NELL1: variants seen among roughly 807,000 people sequenced by gnomAD.
The protein encoded by NELL1 is neural EGFL like 1, also known as protein kinase C-binding protein NELL1.
A neutral mutation model predicts 107.4 loss-of-function variants in NELL1; 76 were observed. The observed-to-expected ratio is 0.71, with a 90% CI of 0.59 to 0.86. NELL1 has a LOEUF of 0.86. NELL1 is among the 40% of genes least tolerant of loss of function. The pLI is 0.00. For missense variants in NELL1, 1,024 were observed against 1,005.5 expected, an observed-to-expected ratio of 1.02 and a Z score of -0.25; for synonymous variants, 353 against 341.2, an observed-to-expected ratio of 1.03 and a Z score of -0.38.
intron 6 of NELL1, among the ~76,000 whole-genome samples, chr11:20,918,593 T>G (rs1236281199): frequency 6.6e-6 from 1 of 151,974 alleles, no homozygotes; most frequent in East Asian, 1.9e-4. Context: ...ACATCTTACA[T>G]GGTGGCAGCC....
intron 3 of NELL1, among the ~76,000 whole-genome samples, chr11:20,797,682 A>T (rs1333891801): frequency 6.6e-6 from 1 of 151,782 alleles, no homozygotes; most frequent in East Asian, 1.9e-4. Flanking sequence ...AATTGAGGGA[A>T]GTTAATTCTG....
intron 12 of NELL1, among the ~76,000 whole-genome samples, chr11:21,024,527 A>G (rs1852772077): frequency 6.6e-6 from 1 of 152,134 alleles, no homozygotes; most frequent in Non-Finnish European, 1.5e-5. Context: ...CGGGAGTAAT[A>G]TCTATCTTAA....
At chr11:21,328,821 T>A (rs767684534) in intron 14 of NELL1, among the ~76,000 whole-genome samples, 11 of 152,160 alleles carry the variant, frequency 7.2e-5, no homozygotes, top group Admixed American at 5.2e-4. Context: ...ACTGCCCTAT[T>A]GGATTTCAAA....
chr11:20,965,850 T>C (rs1851377898), intron 12 of NELL1, among the ~76,000 whole-genome samples: 1 of 152,150 alleles, frequency 6.6e-6, no homozygotes, highest in Admixed American at 6.5e-5. Context: ...AGATACTTAC[T>C]AGACATGGAG....
At chr11:21,319,888 G>C (rs1299915706) in intron 14 of NELL1, among the ~76,000 whole-genome samples, 2 of 151,994 alleles carry the variant, frequency 1.3e-5, no homozygotes, top group African/African-American at 4.8e-5. Flanking sequence ...ACCTGCTTTA[G>C]ACTCTAAACT....
intron 13 of NELL1, among the ~76,000 whole-genome samples, chr11:21,134,124 C>T (rs775524937): frequency 2.0e-5 from 3 of 152,242 alleles, no homozygotes; most frequent in Non-Finnish European, 2.9e-5. Context: ...AGACACTTTA[C>T]ATGACTATTG....
At chr11:21,149,900 G>C (rs994201542) in intron 13 of NELL1, among the ~76,000 whole-genome samples, 1 of 152,260 alleles carries the variant, frequency 6.6e-6, no homozygotes, top group South Asian at 2.1e-4. Context: ...CAAACACTAT[G>C]ACGGAAACAA....
At chr11:20,824,181 G>A (rs1302434633) in intron 3 of NELL1, among the ~76,000 whole-genome samples, 1 of 151,162 alleles carries the variant, frequency 6.6e-6, no homozygotes, top group East Asian at 1.9e-4. Context: ...TTCGCTCTGT[G>A]CTTCTTATTC....
At chr11:20,804,299 G>A (rs984343513) in intron 3 of NELL1, among the ~76,000 whole-genome samples, 3 of 152,090 alleles carry the variant, frequency 2.0e-5, no homozygotes, top group African/African-American at 4.8e-5. Flanking sequence ...GCAGTGGTGC[G>A]ATTTCAGCTC....
chr11:21,140,765 G>A (rs917905415), intron 13 of NELL1, among the ~76,000 whole-genome samples: 1 of 152,072 alleles, frequency 6.6e-6, no homozygotes, highest in Non-Finnish European at 1.5e-5. Flanking sequence ...TCAATTGGAG[G>A]TTTTAAAGTT....
intron 14 of NELL1, among the ~76,000 whole-genome samples, chr11:21,272,944 A>T (rs1401888909): frequency 6.6e-6 from 1 of 152,212 alleles, no homozygotes; most frequent in Non-Finnish European, 1.5e-5. Context: ...AAAACCACAA[A>T]GATGGGGAAA....
At chr11:21,499,661 A>G (rs1355683067) in intron 15 of NELL1, among the ~76,000 whole-genome samples, 1 of 152,102 alleles carries the variant, frequency 6.6e-6, no homozygotes, top group Non-Finnish European at 1.5e-5. Flanking sequence ...CAACTCTACT[A>G]TAAAGATAAG....
chr11:20,975,719 ATATG>A (rs1851598149), intron 12 of NELL1, among the ~76,000 whole-genome samples: 1 of 96,574 alleles, frequency 1.0e-5, no homozygotes, highest in Admixed American at 9.8e-5. Context: ...TACATATTAT[ATATG>A]TATTATATAA....
At chr11:21,462,108 T>C (rs1853914629) in intron 15 of NELL1, among the ~76,000 whole-genome samples, 1 of 152,202 alleles carries the variant, frequency 6.6e-6, no homozygotes, top group South Asian at 2.1e-4. Flanking sequence ...AAAAGACCAA[T>C]AATAGGATGG....
chr11:21,340,147 G>T (rs1397422114), intron 14 of NELL1, among the ~76,000 whole-genome samples: 1 of 151,918 alleles, frequency 6.6e-6, no homozygotes, highest in African/African-American at 2.4e-5. Flanking sequence ...CCTACTTTTT[G>T]TTTTTGCTTT....
chr11:21,328,791 T>C (rs1565170662), intron 14 of NELL1, among the ~76,000 whole-genome samples: 1 of 152,210 alleles, frequency 6.6e-6, no homozygotes, highest in Non-Finnish European at 1.5e-5. Flanking sequence ...GACATCATTT[T>C]GAAACTTTAA....
chr11:21,042,640 A>C (rs555669728), intron 12 of NELL1, among the ~76,000 whole-genome samples: 3 of 152,140 alleles, frequency 2.0e-5, no homozygotes, highest in African/African-American at 7.2e-5. Context: ...TTCTGGAGAC[A>C]GTGGCTTCCT....
At chr11:21,445,493 AT>A (rs1012603995) in intron 15 of NELL1, among the ~76,000 whole-genome samples, 1 of 151,696 alleles carries the variant, frequency 6.6e-6, no homozygotes, top group African/African-American at 2.4e-5. Context: ...TGCCTGGCTA[AT>A]TTTGTATTTT....
Position 20,928,471 on chromosome 11 carries a change from T to G in NELL1, c.989T>G (p.Val330Gly), listed in dbSNP as rs765619539. The change falls in exon 9 of 20, where the codon GTC (valine) becomes GGC (glycine). Residue 330 changes from valine (V) to glycine (G), a missense_variant. Transcript: ENST00000357134. ...CACATTGCTGGCCAGTGCTGTAAGGTCTGCCGACGTAAGTACTGACTGAGG... is the reference window on the plus strand; with the variant it reads ...CACATTGCTGGCCAGTGCTGTAAGGGCTGCCGACGTAAGTACTGACTGAGG... Reference protein sequence around the residue: ...PVHIAGQCCKVCRPKCIYGGK... With the variant: ...PVHIAGQCCKGCRPKCIYGGK... 11 of 1,613,326 alleles carry G rather than the reference T, an allele frequency of 6.8e-6. No homozygotes were observed. The Middle Eastern group carries it at 1.7e-3, about 242-fold the overall frequency.
Sources: allele counts gnomAD v4.1 joint callset (sites outside exome capture counted in the v4.1 genomes callset), GRCh38; gene constraint gnomAD v4.1.1; transcripts MANE v1.5; gene names NCBI Gene and HGNC (gene_info 2026-07-23, HGNC 2026-07-21).